The following PALM2AKAP2 variants were observed in gnomAD, a reference collection of about 807,000 sequenced individuals.
PALM2AKAP2 encodes PALM2-AKAP2 fusion protein.
In PALM2AKAP2, 37 loss-of-function variants were observed where a neutral mutation model predicts 71.5. The observed-to-expected ratio is 0.52, with a 90% CI of 0.40 to 0.68. The LOEUF (loss-of-function observed/expected upper bound fraction) is 0.68. Among genes scored for constraint, PALM2AKAP2 ranks in the 30% least tolerant of loss-of-function variants. The pLI is 0.00. For synonymous variants in PALM2AKAP2, 468 were observed against 478.8 expected (o/e 0.98, Z 0.29); for missense variants, 1,224 against 1,191.8 (o/e 1.03, Z -0.40).
intron 1 of PALM2AKAP2, among the ~76,000 whole-genome samples, chr9:109,822,592 T>C (rs1828039257): frequency 6.6e-6 from 1 of 152,166 alleles, no homozygotes; most frequent in African/African-American, 2.4e-5. Context: ...GTATACTCAG[T>C]GTTTAGCTCC....
chr9:109,683,745 A>G (rs2118525426), intron 1 of PALM2AKAP2, among the ~76,000 whole-genome samples: 1 of 152,260 alleles, frequency 6.6e-6, no homozygotes, highest in East Asian at 1.9e-4. Context: ...TCTTGCTCCC[A>G]CAATGACTAG....
At chr9:110,021,258 G>A (rs1417277408) in intron 7 of PALM2AKAP2, among the ~76,000 whole-genome samples, 1 of 152,192 alleles carries the variant, frequency 6.6e-6, no homozygotes, top group African/African-American at 2.4e-5. Context: ...TTGAAGTTAT[G>A]CAGCCCAAGT....
At chr9:109,818,309 T>A (rs1827903112) in intron 1 of PALM2AKAP2, among the ~76,000 whole-genome samples, 1 of 152,158 alleles carries the variant, frequency 6.6e-6, no homozygotes, top group Non-Finnish European at 1.5e-5. Context: ...TCATAGCATC[T>A]TATAAACATA....
rs139512129 is a variant in PALM2AKAP2 at position 110,000,417 on chromosome 9, C to T, written c.497-15537C>T. ...TTTCTTAATCCAGTCTATCATTGTT[C>T]GACATTTGGGTTGGTTCCAAGTCTT... On this transcript the variant is annotated intron_variant, in intron 6 of 9. Transcript: ENST00000302798. Among the ~76,000 whole-genome samples the T allele has an allele frequency of 1.9e-3, 296 of 152,080 alleles. 1 individual carries two copies. The highest frequency in any genetic ancestry group is 6.6e-3 in the African/African-American group (275 of 41,476).
intron 1 of PALM2AKAP2, among the ~76,000 whole-genome samples, chr9:109,808,265 A>G (rs1211754622): frequency 6.6e-6 from 1 of 152,230 alleles, no homozygotes; most frequent in Non-Finnish European, 1.5e-5. Context: ...GACTTGTTGA[A>G]TGGCTTTGAC....
intron 1 of PALM2AKAP2, among the ~76,000 whole-genome samples, chr9:109,810,027 T>C (rs1190375452): frequency 2.6e-5 from 4 of 152,160 alleles, no homozygotes. Context: ...TTATCAGCAG[T>C]GGGAGAATGA....
At chr9:110,149,440 CT>C (rs1469861876) in intron 2 of PALM2AKAP2, among the ~76,000 whole-genome samples, 2 of 152,156 alleles carry the variant, frequency 1.3e-5, no homozygotes, top group African/African-American at 2.4e-5. Flanking sequence ...TACAAGAAAA[CT>C]TTTCTGGTTT....
intron 1 of PALM2AKAP2, among the ~76,000 whole-genome samples, chr9:110,102,028 C>G (rs1835012305): frequency 6.6e-6 from 1 of 152,188 alleles, no homozygotes; most frequent in Non-Finnish European, 1.5e-5. Context: ...CTCCAAGGAC[C>G]ACACTCTTGT....
chr9:109,793,643 G>A (rs998378504), intron 1 of PALM2AKAP2, among the ~76,000 whole-genome samples: 3 of 152,216 alleles, frequency 2.0e-5, no homozygotes, highest in Admixed American at 2.0e-4. Context: ...TGAAAAATGA[G>A]TGGAAATTCC....
At chr9:110,007,352 A>G (rs6477736) in intron 6 of PALM2AKAP2, among the ~76,000 whole-genome samples, 34,862 of 152,154 alleles carry the variant, frequency 0.23, 6,543 homozygotes, top group African/African-American at 0.52. Context: ...TAAATGATAC[A>G]GTATGAGGAT....
rs937750017 is a variant in PALM2AKAP2, at chr9:109,930,544, C to T, written c.395-1383C>T. On this transcript the variant is annotated intron_variant, in intron 5 of 9. Coordinates refer to the PALM2AKAP2 transcript ENST00000302798. ...CCCGGCGAAAAATCTGTTTTCTTAG[C>T]GATACTCTACCTTTGCCTATGAACA... Among the ~76,000 whole-genome samples, 6 of 152,236 alleles carry T rather than the reference C, an allele frequency of 3.9e-5. No individual in the cohort carries two copies. The East Asian group carries it at 5.8e-4, about 15-fold the overall frequency.
chr9:110,115,178 T>C (rs1835336920), intron 1 of PALM2AKAP2, among the ~76,000 whole-genome samples: 1 of 152,156 alleles, frequency 6.6e-6, no homozygotes, highest in African/African-American at 2.4e-5. Context: ...TCCCAGAGGA[T>C]GGTCCAGCAG....
chr9:109,789,081 G>C (rs944267521), intron 1 of PALM2AKAP2, among the ~76,000 whole-genome samples: 1 of 152,178 alleles, frequency 6.6e-6, no homozygotes, highest in African/African-American at 2.4e-5. Context: ...GGATTGGCTG[G>C]GCAGGTTGAG....
chr9:110,024,019 A>T (rs985238086), intron 7 of PALM2AKAP2, among the ~76,000 whole-genome samples: 123 of 152,316 alleles, frequency 8.1e-4, no homozygotes, highest in African/African-American at 2.8e-3. Flanking sequence ...CCCTTGCTAC[A>T]ATATCATTTC....
chr9:109,851,342 G>C (rs1829011564), intron 1 of PALM2AKAP2, among the ~76,000 whole-genome samples: 1 of 152,138 alleles, frequency 6.6e-6, no homozygotes, highest in Non-Finnish European at 1.5e-5. Context: ...GGTCTTCCAG[G>C]GTTGAGCACT....
intron 7 of PALM2AKAP2, among the ~76,000 whole-genome samples, chr9:110,038,408 A>C (rs1209475159): frequency 6.6e-6 from 1 of 152,192 alleles, no homozygotes; most frequent in Non-Finnish European, 1.5e-5. Flanking sequence ...AACAGTTGTG[A>C]AAGCCAAATG....
intron 1 of PALM2AKAP2, among the ~76,000 whole-genome samples, chr9:109,738,035 C>G (rs1256058273): frequency 6.6e-6 from 1 of 152,120 alleles, no homozygotes; most frequent in East Asian, 1.9e-4. Flanking sequence ...ATATATTTGG[C>G]CTCTAAACTG....
intron 7 of PALM2AKAP2, chr9:110,025,167 G>A: frequency 2.9e-6 from 4 of 1,386,222 alleles, no homozygotes; most frequent in Non-Finnish European, 4.1e-6. Flanking sequence ...TAACATTGTA[G>A]ACTCTTCCAG....
At chr9:110,056,304 T>C (rs575812586) in intron 1 of PALM2AKAP2, among the ~76,000 whole-genome samples, 1 of 152,338 alleles carries the variant, frequency 6.6e-6, no homozygotes, top group Admixed American at 6.5e-5. Context: ...TGGGATAATA[T>C]AGCATCTTAC....
Sources: allele counts gnomAD v4.1 joint callset (sites outside exome capture counted in the v4.1 genomes callset), GRCh38; gene constraint gnomAD v4.1.1; transcripts MANE v1.5; gene names NCBI Gene and HGNC (gene_info 2026-07-23, HGNC 2026-07-21).